GNAT1: variants seen among roughly 807,000 people sequenced by gnomAD.
GNAT1 encodes the protein guanine nucleotide-binding protein G(t) subunit alpha-1.
Under a neutral mutation model 40.0 loss-of-function variants are expected in GNAT1, and 36 were observed. The observed-to-expected ratio is 0.90, with a 90% CI of 0.69 to 1.19. The LOEUF (loss-of-function observed/expected upper bound fraction) is 1.19, where lower values mean the gene tolerates loss of function less well. Ranked by LOEUF, GNAT1 falls within the 50% of genes most tolerant of loss-of-function variation. The probability of loss-of-function intolerance (pLI) is 0.00; values close to 1 mark genes in which losing one functional copy is unlikely to be tolerated. For missense variants in GNAT1, 413 were observed against 480.6 expected, an observed-to-expected ratio of 0.86 and a Z score of 1.32; for synonymous variants, 195 against 192.9, an observed-to-expected ratio of 1.01 and a Z score of -0.09.
At position 50,195,393 on chromosome 3, in the gene GNAT1, C is replaced by T. The variant is rs1461909690; in HGVS notation, c.*127C>T. Reference sequence around the variant, plus strand: ...GCCCCAACCTGCCACCTCACCAAAGCTCTGAGCCCTGCTAGCCTTGAGGCG... The same window carrying T: ...GCCCCAACCTGCCACCTCACCAAAGTTCTGAGCCCTGCTAGCCTTGAGGCG... On this transcript the variant is annotated 3_prime_UTR_variant, in exon 9 of 9. Coordinates refer to ENST00000232461, the MANE Select transcript of GNAT1 (RefSeq NM_144499.3). The T allele has an allele frequency of 7.4e-6, 2 of 271,998 alleles. No individual in the cohort carries two copies. Among genetic ancestry groups the T allele is most frequent in the East Asian group, 1.9e-4 (2 of 10,670 alleles). The allele number at this position is 271,998 out of a possible 1,614,324, so 16.8% of individuals were successfully genotyped here. A position where few individuals can be genotyped will look rare whatever the true frequency, so the allele number is the denominator to read the frequency against.
chr3:50,192,088 C>T (rs1215243129), intron 1 of GNAT1, among the ~76,000 whole-genome samples: 1 of 152,232 alleles, frequency 6.6e-6, no homozygotes, highest in African/African-American at 2.4e-5. Context: ...AAGTGCGTGC[C>T]AACCACACTC....
intron 1 of GNAT1, among the ~76,000 whole-genome samples, chr3:50,192,102 C>G (rs1026633756): frequency 2.6e-5 from 4 of 152,234 alleles, no homozygotes; most frequent in Non-Finnish European, 5.9e-5. Context: ...CACACTCTTG[C>G]ACGGGTGTGT....
At position 50,193,478 on chromosome 3, in the gene GNAT1, C is replaced by T. The variant is rs1699446848; in HGVS notation, c.292-28C>T. On this transcript the variant is annotated intron_variant, in intron 3 of 8. Coordinates refer to ENST00000232461, the MANE Select transcript of GNAT1 (RefSeq NM_144499.3). The surrounding 1 kb of genome is among the most constrained non-coding windows in gnomAD (Gnocchi z 8.1). Reference sequence around the variant, plus strand: ...GCGGCTGGGCCCGAGTCCCTGGCCGCCACCAGCCACTCTCACCCTGCCCCC... The same window carrying T: ...GCGGCTGGGCCCGAGTCCCTGGCCGTCACCAGCCACTCTCACCCTGCCCCC... 2 of 1,611,736 alleles carry T rather than the reference C, an allele frequency of 1.2e-6. No homozygotes were observed. Among genetic ancestry groups the T allele is most frequent in the East Asian group, 2.2e-5 (1 of 44,790 alleles).
In GNAT1 at chr3:50,197,207, A is replaced by G. The variant is rs1394567939; in HGVS notation, c.*1941A>G. Among the ~76,000 whole-genome samples, 1 of 152,180 alleles carries G rather than the reference A, an allele frequency of 6.6e-6. No individual in the cohort carries two copies. The highest frequency in any genetic ancestry group is 2.4e-5 in the African/African-American group (1 of 41,442). The stretch of plus-strand genomic sequence containing the variant: ...TATATGTTTGTAGGGATTTTTTGCC[A>G]GTTTTAAAAATACATGTATCATAAA... On this transcript the variant is annotated 3_prime_UTR_variant, in exon 9 of 9. Coordinates refer to ENST00000232461, the MANE Select transcript of GNAT1 (RefSeq NM_144499.3).
rs1699516060 is a variant in GNAT1 at position 50,197,231 on chromosome 3, A to G, written c.*1965A>G. Among the ~76,000 whole-genome samples the G allele has an allele frequency of 6.6e-6, 1 of 152,154 alleles. No individual in the cohort carries two copies. Among genetic ancestry groups the G allele is most frequent in the Non-Finnish European group, 1.5e-5 (1 of 68,026 alleles). On this transcript the variant is annotated 3_prime_UTR_variant, in exon 9 of 9. Coordinates refer to ENST00000232461, the MANE Select transcript of GNAT1 (RefSeq NM_144499.3). ...CAGTTTTAAAAATACATGTATCATA[A>G]AGTTTACTATCTCAGCCACTTGCCG...
At position 50,193,471 on chromosome 3, in the gene GNAT1, C is replaced by T. The variant is rs751673707; in HGVS notation, c.292-35C>T. On this transcript the variant is annotated intron_variant, in intron 3 of 8. Transcript: ENST00000232461. This position sits in a 1 kb window ranked among gnomAD's most constrained non-coding sequence, Gnocchi z 8.1. ...GAGGCTCGCGGCTGGGCCCGAGTCCCTGGCCGCCACCAGCCACTCTCACCC... is the reference window on the plus strand; with the variant it reads ...GAGGCTCGCGGCTGGGCCCGAGTCCTTGGCCGCCACCAGCCACTCTCACCC... 2 of 1,605,922 alleles carry T rather than the reference C, an allele frequency of 1.2e-6. No homozygotes were observed. The highest frequency in any genetic ancestry group is 1.7e-6 in the Non-Finnish European group (2 of 1,177,546).
In GNAT1 at chr3:50,197,567, T is replaced by A. The variant is rs1407824755; in HGVS notation, c.*2301T>A. ...CATATGGCAGAATCTCCTTCCTTTTTAAGGTTGAATAATATTCCATTGTAT... is the reference window on the plus strand; with the variant it reads ...CATATGGCAGAATCTCCTTCCTTTTAAAGGTTGAATAATATTCCATTGTAT... On this transcript the variant is annotated 3_prime_UTR_variant, in exon 9 of 9. Transcript: ENST00000232461. 6.6e-6 allele frequency among the ~76,000 whole-genome samples: 1 copy of A among 152,220 alleles called. No homozygotes were observed. Among genetic ancestry groups the A allele is most frequent in the Non-Finnish European group, 1.5e-5 (1 of 68,040 alleles).
rs749576739 is a variant in GNAT1, at chr3:50,194,772, C to T, written c.870C>T (p.Asn290=). The stretch of plus-strand genomic sequence containing the variant: ...GAGCTCCCGCCCCCGCAGGACCCAA[C>T]ACCTACGAGGACGCCGGCAACTACA... ...SICFPDYDGP[N]TYEDAGNYIK... The change falls in exon 8 of 9, where the codon AAC becomes AAT. Residue 290 remains asparagine (N), a synonymous_variant. Transcript: ENST00000232461. This position sits in a 1 kb window ranked among gnomAD's most constrained non-coding sequence, Gnocchi z 6.1. 6.2e-7 allele frequency: 1 copy of T among 1,613,660 alleles called. No homozygotes were observed. The highest frequency in any genetic ancestry group is 8.5e-7 in the Non-Finnish European group (1 of 1,179,970).
chr3:50,194,373 T>G lies in GNAT1; in HGVS notation c.709-128T>G. The stretch of plus-strand genomic sequence containing the variant: ...GGCCCGGAGGCGTTCAGCAGGCCCA[T>G]CTGGGGCAGTGCGGGGAGCCCTCTG... On this transcript the variant is annotated intron_variant, in intron 6 of 8. Transcript: ENST00000232461. This position sits in a 1 kb window ranked among gnomAD's most constrained non-coding sequence, Gnocchi z 6.1. 3 of 1,387,358 alleles carry G rather than the reference T, an allele frequency of 2.2e-6. No homozygotes were observed. The South Asian group carries it at 3.7e-5, about 17-fold the overall frequency. The allele number at this position is 1,387,358 out of a possible 1,614,324, so 85.9% of individuals were successfully genotyped here.
At position 50,194,656 on chromosome 3, in the gene GNAT1, T is replaced by C. The variant is rs1445895724; in HGVS notation, c.862+2T>C. The C allele has an allele frequency of 1.9e-6, 3 of 1,612,650 alleles. No individual in the cohort carries two copies. Among genetic ancestry groups the C allele is most frequent in the East Asian group, 2.2e-5 (1 of 44,866 alleles). On this transcript the variant is annotated splice_donor_variant, in intron 7 of 8. Transcript: ENST00000232461. LOFTEE classifies it high-confidence loss of function. The surrounding 1 kb of genome is among the most constrained non-coding windows in gnomAD (Gnocchi z 6.1). ...GCATCTGTTTCCCGGACTACGATGGTGAGAAGTCCGCAAGGCCGCCAGGCG... is the reference window on the plus strand; with the variant it reads ...GCATCTGTTTCCCGGACTACGATGGCGAGAAGTCCGCAAGGCCGCCAGGCG...
At chr3:50,191,987 C>G (rs1290777181) in intron 1 of GNAT1, among the ~76,000 whole-genome samples, 156 bp downstream of exon 1, 3 of 152,230 alleles carry the variant, frequency 2.0e-5, no homozygotes, top group Admixed American at 6.5e-5. Flanking sequence ...CAAGGCCAGG[C>G]CTGACAGGTG....
rs999344799 is a variant in GNAT1, at chr3:50,193,454, C to G, written c.291+48C>G. The G allele has an allele frequency of 6.2e-7, 1 of 1,608,118 alleles. No homozygotes were observed. Among genetic ancestry groups the G allele is most frequent in the Non-Finnish European group, 8.5e-7 (1 of 1,178,364 alleles). On this transcript the variant is annotated intron_variant, in intron 3 of 8. Transcript: ENST00000232461. The surrounding 1 kb of genome is among the most constrained non-coding windows in gnomAD (Gnocchi z 8.1). Reference sequence around the variant, plus strand: ...CGGGCCTCTGGGGACTCGAGGCTCGCGGCTGGGCCCGAGTCCCTGGCCGCC... The same window carrying G: ...CGGGCCTCTGGGGACTCGAGGCTCGGGGCTGGGCCCGAGTCCCTGGCCGCC...
Position 50,193,936 on chromosome 3 carries a change from G to T in GNAT1, c.578+55G>T, listed in dbSNP as rs567585230. On this transcript the variant is annotated intron_variant, in intron 5 of 8. Coordinates refer to ENST00000232461, the MANE Select transcript of GNAT1 (RefSeq NM_144499.3). The surrounding 1 kb of genome is among the most constrained non-coding windows in gnomAD (Gnocchi z 8.1). ...ACTGCCCCAGGCCCCGTCCTGCCCC[G>T]GGGACCCCATCCCTGCGATAGACCC... The T allele has an allele frequency of 4.4e-6, 7 of 1,608,988 alleles. No homozygotes were observed. The African/African-American group carries it at 8.0e-5, about 18-fold the overall frequency.
chr3:50,193,035 G>A lies in GNAT1; in HGVS notation c.107-98G>A, dbSNP rs1699436692. ...TGGCGCTCAGGCCTCTTCGCTGCGG[G>A]TCCACCCTGCCAACTCGGGAGGTCC... On this transcript the variant is annotated intron_variant, in intron 1 of 8. Coordinates refer to ENST00000232461, the MANE Select transcript of GNAT1 (RefSeq NM_144499.3). The surrounding 1 kb of genome is among the most constrained non-coding windows in gnomAD (Gnocchi z 8.1). 1.5e-6 allele frequency: 2 copies of A among 1,302,904 alleles called. No individual in the cohort carries two copies. The highest frequency in any genetic ancestry group is 1.5e-5 in the African/African-American group (1 of 68,832). 80.7% of individuals were successfully genotyped at this position (1,302,904 alleles called of 1,614,324 possible). A position where few individuals can be genotyped will look rare whatever the true frequency, so the allele number is the denominator to read the frequency against.
rs757575839 is a variant in GNAT1, at chr3:50,195,362, T to C, written c.*96T>C. The stretch of plus-strand genomic sequence containing the variant: ...CAGGACCCTATCAGCCCCCTGGGAC[T>C]CCCTGGCCCCAACCTGCCACCTCAC... On this transcript the variant is annotated 3_prime_UTR_variant, in exon 9 of 9. Coordinates refer to ENST00000232461, the MANE Select transcript of GNAT1 (RefSeq NM_144499.3). 9 of 288,712 alleles carry C rather than the reference T, an allele frequency of 3.1e-5. No homozygotes were observed. Among genetic ancestry groups the C allele is most frequent in the Non-Finnish European group, 5.4e-5 (8 of 147,794 alleles). The allele number at this position is 288,712 out of a possible 1,614,324, so 17.9% of individuals were successfully genotyped here.
Position 50,193,344 on chromosome 3 carries a change from A to T in GNAT1, c.229A>T (p.Ile77Phe), listed in dbSNP as rs764511104. 1 of 1,614,064 alleles carries T rather than the reference A, an allele frequency of 6.2e-7. No individual in the cohort carries two copies. The change falls in exon 3 of 9, where the codon ATC becomes TTC. Residue 77 changes from isoleucine to phenylalanine, a missense_variant. Coordinates refer to ENST00000232461, the MANE Select transcript of GNAT1 (RefSeq NM_144499.3). This position sits in a 1 kb window ranked among gnomAD's most constrained non-coding sequence, Gnocchi z 8.1. The stretch of plus-strand genomic sequence containing the variant: ...CATCTACGGCAACACGTTGCAGTCC[A>T]TCCTGGCCATCGTACGCGCCATGAC... ...AIIYGNTLQS[I>F]LAIVRAMTTL...
intron 1 of GNAT1, 57 bp downstream of exon 1, chr3:50,191,888 G>A: frequency 9.0e-7 from 1 of 1,110,534 alleles, no homozygotes; most frequent in Non-Finnish European, 1.4e-6. Context: ...CTGGAGGCAG[G>A]CAGGCAGCCC....
In GNAT1 at chr3:50,194,721, G is replaced by T. The variant is rs534024814; in HGVS notation, c.863-44G>T. Reference sequence around the variant, plus strand: ...CGATCGCGGCGCGCACCCCCCGCACGGGGAAGGAAGGGCTGAGCAGAGTGA... The same window carrying T: ...CGATCGCGGCGCGCACCCCCCGCACTGGGAAGGAAGGGCTGAGCAGAGTGA... On this transcript the variant is annotated intron_variant, in intron 7 of 8. Coordinates refer to ENST00000232461, the MANE Select transcript of GNAT1 (RefSeq NM_144499.3). This position sits in a 1 kb window ranked among gnomAD's most constrained non-coding sequence, Gnocchi z 6.1. 1.9e-6 allele frequency: 3 copies of T among 1,611,276 alleles called. No homozygotes were observed. The highest frequency in any genetic ancestry group is 1.7e-4 in the Middle Eastern group (1 of 6,056).
rs780817002 is a variant in GNAT1 at position 50,194,519 on chromosome 3, C to A, written c.727C>A (p.Leu243Met). Residue 243 changes from leucine (L) to methionine (M), a missense_variant, in exon 7 of 9, where the codon CTG (leucine) becomes ATG (methionine). Coordinates refer to ENST00000232461, the MANE Select transcript of GNAT1 (RefSeq NM_144499.3). This position sits in a 1 kb window ranked among gnomAD's most constrained non-coding sequence, Gnocchi z 6.1. ...DDEVNRMHES[L>M]HLFNSICNHR... ...TCCTCAGAACCGCATGCACGAGAGC[C>A]TGCACCTGTTCAACAGCATCTGCAA... 2 of 1,613,562 alleles carry A rather than the reference C, an allele frequency of 1.2e-6. No individual in the cohort carries two copies. The highest frequency in any genetic ancestry group is 2.2e-5 in the South Asian group (2 of 91,088).
Sources: allele counts gnomAD v4.1 joint callset (sites outside exome capture counted in the v4.1 genomes callset), GRCh38; gene constraint gnomAD v4.1.1; non-coding constraint Gnocchi (gnomAD v3.1); transcripts MANE v1.5; gene names NCBI Gene and HGNC (gene_info 2026-07-23, HGNC 2026-07-21).